Variants in PERM1 observed in about 807,000 individuals in gnomAD.
PERM1 encodes PPARGC1 and ESRR induced regulator, muscle 1, also known as PGC-1 and ERR-induced regulator in muscle protein 1.
Under a neutral mutation model 44.1 loss-of-function variants are expected in PERM1, and 45 were observed. The observed-to-expected ratio is 1.02, with a 90% CI of 0.80 to 1.31. The LOEUF is 1.31. Among genes scored for constraint, PERM1 ranks in the 50% most tolerant of loss-of-function variants. PERM1 has a pLI of 0.00. For synonymous variants in PERM1, 565 were observed against 477.1 expected (o/e 1.18, Z -2.40); for missense variants, 1,189 against 1,106.9 (o/e 1.07, Z -1.05).
At chr1:980,698 G>A (rs1174879719) in exon 1 of PERM1, 52 of 1,423,508 alleles carry the variant, frequency 3.7e-5, no homozygotes, top group Non-Finnish European at 4.7e-5. Flanking sequence ...GGACGGTGGA[G>A]CTTCTGCCCG....
In PERM1 at chr1:976,490, C is replaced by T; in HGVS notation, c.2275+9G>A. ...AGGCGCAGCTCCCTCTGCCCCCAGG[C>T]ACCCAAACCTGTTTTCCAGGCGTCT... On this transcript the variant is annotated intron_variant, in intron 2 of 2. Transcript: ENST00000433179. 3 of 1,549,544 alleles carry T rather than the reference C, an allele frequency of 1.9e-6. No individual in the cohort carries two copies. Among genetic ancestry groups the T allele is most frequent in the Non-Finnish European group, 2.6e-6 (3 of 1,146,410 alleles).
exon 1 of PERM1, chr1:978,921 T>A (rs770092392): frequency 1.3e-6 from 2 of 1,506,034 alleles, no homozygotes; most frequent in Non-Finnish European, 1.8e-6. Flanking sequence ...CTACCACGGC[T>A]GGCTTGAGGG....
At chr1:976,419 C>G in intron 2 of PERM1, 80 bp downstream of exon 3, 3 of 1,541,560 alleles carry the variant, frequency 1.9e-6, no homozygotes, top group Non-Finnish European at 1.8e-6. Context: ...AGCCCCGGGG[C>G]CCCCGTGCAC....
At chr1:980,561 G>A (rs1166261865) in exon 1 of PERM1, 1 of 1,458,758 alleles carries the variant, frequency 6.9e-7, no homozygotes. Context: ...GGGGACTTGG[G>A]ACTCCCAGGG....
exon 3 of PERM1, chr1:976,130 G>C: frequency 1.3e-6 from 2 of 1,536,128 alleles, no homozygotes; most frequent in South Asian, 2.4e-5. Flanking sequence ...GGCGCCTGTG[G>C]TCGTCTCCTC....
intron 1 of PERM1, among the ~76,000 whole-genome samples, chr1:978,295 G>A (rs1437830725): frequency 6.7e-6 from 1 of 148,862 alleles, no homozygotes; most frequent in Non-Finnish European, 1.5e-5. Context: ...ATACATTTGT[G>A]CTGGACACGT....
At chr1:981,313 C>T (rs926524689), upstream of PERM1, 11 of 822,284 alleles carry the variant, frequency 1.3e-5, no homozygotes, top group East Asian at 3.0e-5. Flanking sequence ...TGTGATGATG[C>T]GGTGTTACAT....
At chr1:979,658 C>T (rs867167649) in exon 1 of PERM1, 2 of 1,550,252 alleles carry the variant, frequency 1.3e-6, no homozygotes, top group Admixed American at 2.0e-5. Flanking sequence ...GGAGGCCAGG[C>T]GAGGCCAGCG....
At chr1:980,049 G>C in exon 1 of PERM1, 1 of 1,548,582 alleles carries the variant, frequency 6.5e-7, no homozygotes, top group South Asian at 1.2e-5. Flanking sequence ...ACACAGCCAT[G>C]TCCCTGTCAG....
chr1:975,936 C>T (rs1482297243), exon 3 of PERM1: 3 of 523,606 alleles, frequency 5.7e-6, no homozygotes, highest in Non-Finnish European at 1.0e-5. Flanking sequence ...TACCCAGCCA[C>T]CTGCCTGCCC....
At chr1:981,711 GT>G (rs1249035449), upstream of PERM1, among the ~76,000 whole-genome samples, 1 of 152,254 alleles carries the variant, frequency 6.6e-6, no homozygotes, top group East Asian at 1.9e-4. Context: ...GCAGGCTGCG[GT>G]GGGTCTCTTG....
At chr1:982,064 C>G (rs1187892576), upstream of PERM1, 1 of 1,288,452 alleles carries the variant, frequency 7.8e-7, no homozygotes. Flanking sequence ...CCATGTCCTA[C>G]CTGGGTCCCG....
chr1:979,289 G>A lies in PERM1; in HGVS notation c.1741C>T (p.Pro581Ser), dbSNP rs1486920965. The change falls in exon 1 of 3, where the codon CCG (proline) becomes TCG (serine). Residue 581 changes from proline (P) to serine (S), a missense_variant. By Grantham distance (74) the Pro-to-Ser change is moderately conservative. Coordinates refer to ENST00000433179, the Ensembl canonical transcript of PERM1. Reference sequence around the variant, plus strand: ...CAGAAGAAGAACTCGTAGGCCTCCGGGAGGGTCACGGCAAAGCTGCTCCCG... The same window carrying A: ...CAGAAGAAGAACTCGTAGGCCTCCGAGAGGGTCACGGCAAAGCTGCTCCCG... The A allele has an allele frequency of 2.6e-6, 4 of 1,547,748 alleles. No individual in the cohort carries two copies. In the Admixed American group the frequency reaches 7.9e-5, roughly 30 times the overall value.
At chr1:979,468 G>A (rs1402461246) in exon 1 of PERM1, 6 of 1,547,416 alleles carry the variant, frequency 3.9e-6, no homozygotes, top group Admixed American at 2.0e-5. Flanking sequence ...CCGGGCTGAG[G>A]CCTGTCCTGA....
At position 979,577 on chromosome 1, in the gene PERM1, CG is replaced by C; in HGVS notation, c.1452del (p.Gly485AspfsTer83). On this transcript the variant is annotated frameshift_variant, in exon 1 of 3. Transcript: ENST00000433179. LOFTEE classifies it high-confidence loss of function. ...AGTGCGGGTGCCCCAGAGCAGCATC[CG>C]GGGGCCCCTGCTGAGGGCTCAGACA... The C allele has an allele frequency of 3.2e-6, 5 of 1,550,042 alleles. No homozygotes were observed.
intron 1 of PERM1, among the ~76,000 whole-genome samples, chr1:978,241 C>T (rs559918062): frequency 1.3e-5 from 2 of 150,076 alleles, no homozygotes; most frequent in Admixed American, 6.6e-5. Context: ...CCCCGGGAAC[C>T]GCCTGCCCCA....
chr1:979,060 G>A (rs1557658751), exon 1 of PERM1: 3 of 1,547,432 alleles, frequency 1.9e-6, no homozygotes, highest in Non-Finnish European at 1.7e-6. Flanking sequence ...ATAGACCTCA[G>A]GGATGGAGAT....
chr1:979,131 G>A (rs1195682992), exon 1 of PERM1: 15 of 1,549,920 alleles, frequency 9.7e-6, no homozygotes, highest in African/African-American at 2.7e-5. Flanking sequence ...GCGGCTCCGG[G>A]GACCCCCGCC....
chr1:978,372 CG>C (rs917663123), intron 1 of PERM1, among the ~76,000 whole-genome samples: 3 of 151,542 alleles, frequency 2.0e-5, no homozygotes, highest in African/African-American at 7.3e-5. Flanking sequence ...CTGGTTGCCC[CG>C]GGAACCGCCT....
Sources: allele counts gnomAD v4.1 joint callset (sites outside exome capture counted in the v4.1 genomes callset), GRCh38; gene constraint gnomAD v4.1.1; transcripts MANE v1.5; gene names NCBI Gene and HGNC (gene_info 2026-07-23, HGNC 2026-07-21).